MYL1: variants seen among roughly 807,000 people sequenced by gnomAD.
MYL1 encodes myosin light chain 1.
Under a neutral mutation model 21.8 loss-of-function variants are expected in MYL1, and 16 were observed. The observed-to-expected ratio is 0.74, with a 90% confidence interval of 0.50 to 1.12. MYL1 has a LOEUF of 1.12. Ranked by LOEUF, MYL1 falls within the 50% of genes most tolerant of loss-of-function variation. MYL1 has a pLI of 0.00. For missense variants in MYL1, 246 were observed against 241.0 expected, an observed-to-expected ratio of 1.02 and a Z score of -0.14; for synonymous variants, 99 against 85.2, an observed-to-expected ratio of 1.16 and a Z score of -0.89.
chr2:210,298,336 T>C (rs1020760734), intron 3 of MYL1, 84 bp downstream of exon 3: 11 of 1,286,706 alleles, frequency 8.5e-6, no homozygotes, highest in East Asian at 2.7e-5. Flanking sequence ...CACACACACA[T>C]ACTACACACA....
chr2:210,314,364 G>A (rs995165543), intron 1 of MYL1, among the ~76,000 whole-genome samples: 2 of 152,128 alleles, frequency 1.3e-5, no homozygotes, highest in African/African-American at 4.8e-5. Flanking sequence ...CTCATTTAGT[G>A]TTGTATCAAA....
chr2:210,307,598 A>G (rs1690356318), intron 1 of MYL1, among the ~76,000 whole-genome samples: 1 of 151,996 alleles, frequency 6.6e-6, no homozygotes, highest in African/African-American at 2.4e-5. Context: ...AGGCTCTTTT[A>G]TATTCTAGCC....
At chr2:210,312,251 A>T (rs1690428015) in intron 1 of MYL1, among the ~76,000 whole-genome samples, 1 of 151,996 alleles carries the variant, frequency 6.6e-6, no homozygotes, top group African/African-American at 2.4e-5. Flanking sequence ...AGCATTACTC[A>T]AAGTCTAGAG....
At chr2:210,314,825 T>A in intron 1 of MYL1, 86 bp downstream of exon 1, 5 of 1,444,316 alleles carry the variant, frequency 3.5e-6, no homozygotes, top group African/African-American at 2.8e-5. Flanking sequence ...TTCCTCTCAA[T>A]GAAAAATACA....
chr2:210,297,754 A>AT (rs1048976301), intron 3 of MYL1, among the ~76,000 whole-genome samples: 4 of 151,392 alleles, frequency 2.6e-5, no homozygotes, highest in South Asian at 2.1e-4. Flanking sequence ...TTTATCACTG[A>AT]TTTTTTTCCT....
In MYL1 at chr2:210,306,891, ATG is replaced by A. The variant is rs565487219; in HGVS notation, c.133-4378_133-4377del. Among the ~76,000 whole-genome samples the A allele has an allele frequency of 4.3e-3, 656 of 152,146 alleles. 7 individuals carry two copies. The highest frequency in any genetic ancestry group is 0.015 in the African/African-American group (622 of 41,476). On this transcript the variant is annotated intron_variant, in intron 1 of 6. Transcript: ENST00000352451. ...CTCTCTCTTCCTTGGGGTTATCATG[ATG>A]GGGTAATCAGTCCTTTGAACAAAGG...
chr2:210,312,728 A>AT (rs200409667), intron 1 of MYL1, among the ~76,000 whole-genome samples: 4 of 151,124 alleles, frequency 2.6e-5, no homozygotes, highest in East Asian at 1.9e-4. Context: ...GATAAAGGTT[A>AT]TTTTTTTTCC....
chr2:210,301,255 C>G (rs1489138999), intron 2 of MYL1, among the ~76,000 whole-genome samples: 1 of 152,050 alleles, frequency 6.6e-6, no homozygotes, highest in Non-Finnish European at 1.5e-5. Context: ...GAAAAAAGTC[C>G]TTCATAGTAT....
At chr2:210,296,999 GT>G (rs1251010760) in intron 3 of MYL1, among the ~76,000 whole-genome samples, 1 of 139,436 alleles carries the variant, frequency 7.2e-6, no homozygotes, top group Non-Finnish European at 1.5e-5. Flanking sequence ...CATTGTGTGT[GT>G]GTGTGTGTGT....
intron 2 of MYL1, among the ~76,000 whole-genome samples, chr2:210,300,193 T>C (rs1035725836): frequency 2.6e-5 from 4 of 152,164 alleles, no homozygotes; most frequent in African/African-American, 9.6e-5. Flanking sequence ...ACTATTACCC[T>C]GGTCAGATGC....
chr2:210,303,612 G>A (rs1690297452), intron 1 of MYL1: 2 of 1,593,766 alleles, frequency 1.3e-6, no homozygotes, highest in Non-Finnish European at 1.7e-6. Context: ...TCCGGTCCCT[G>A]AGTGGGGTCA....
rs375080949 is a variant in MYL1, at chr2:210,315,057, G to C, written c.-15C>G. ...TTTGGTGCCATTTTTTTTTTTAAAAGGGTGGGTTAAAAAGAGAAGGAGTTC... is the reference window on the plus strand; with the variant it reads ...TTTGGTGCCATTTTTTTTTTTAAAACGGTGGGTTAAAAAGAGAAGGAGTTC... On this transcript the variant is annotated 5_prime_UTR_variant, in exon 1 of 7. Coordinates refer to ENST00000352451, the MANE Select transcript of MYL1 (RefSeq NM_079420.3). 1.4e-5 allele frequency: 23 copies of C among 1,592,626 alleles called. No individual in the cohort carries two copies. Among genetic ancestry groups the C allele is most frequent in the Non-Finnish European group, 1.9e-5 (22 of 1,175,198 alleles).
chr2:210,304,071 C>T (rs1348728217), intron 1 of MYL1, among the ~76,000 whole-genome samples: 2 of 152,164 alleles, frequency 1.3e-5, no homozygotes, highest in Admixed American at 1.3e-4. Flanking sequence ...CTGAAGTGTA[C>T]TGTCCTTTAT....
rs1202422746 is a variant in MYL1, at chr2:210,294,244, C to T, written c.478+1G>A. ...AAGTCCACTGAAATAAATTCCCTTA[C>T]CCAGGGTGGCTAGAACATGGCGGAG... On this transcript the variant is annotated splice_donor_variant, in intron 4 of 6. Transcript: ENST00000352451. LOFTEE classifies it high-confidence loss of function. The T allele has an allele frequency of 3.1e-6, 5 of 1,608,584 alleles. No individual in the cohort carries two copies. The highest frequency in any genetic ancestry group is 4.2e-6 in the Non-Finnish European group (5 of 1,177,720).
At chr2:210,293,472 G>A (rs890888155) in intron 5 of MYL1, among the ~76,000 whole-genome samples, 1 of 152,164 alleles carries the variant, frequency 6.6e-6, no homozygotes, top group Non-Finnish European at 1.5e-5. Context: ...TCATAGGGAT[G>A]TTCTGAAGAT....
At position 210,302,627 on chromosome 2, in the gene MYL1, C is replaced by G. The variant is rs979362012; in HGVS notation, c.133-112G>C. Reference sequence around the variant, plus strand: ...AATCTTCAAAGTAAGCTCCAAAAGTCAGCCTACTTTTCAGAGTTCAGGCGT... The same window carrying G: ...AATCTTCAAAGTAAGCTCCAAAAGTGAGCCTACTTTTCAGAGTTCAGGCGT... On this transcript the variant is annotated intron_variant, in intron 1 of 6. Coordinates refer to ENST00000352451, the MANE Select transcript of MYL1 (RefSeq NM_079420.3). The G allele has an allele frequency of 2.0e-6, 3 of 1,485,100 alleles. No homozygotes were observed. The African/African-American group carries it at 4.2e-5, about 21-fold the overall frequency. 92.0% of individuals were successfully genotyped at this position (1,485,100 alleles called of 1,614,324 possible).
rs1040802746 is a variant in MYL1 at position 210,293,760 on chromosome 2, T to C, written c.519A>G (p.Ala173=). The C allele has an allele frequency of 1.9e-6, 3 of 1,614,090 alleles. No homozygotes were observed. The highest frequency in any genetic ancestry group is 3.3e-5 in the Admixed American group (2 of 60,016). ...TGCAGCCATTGGAGTCTTCTTGACC[T>C]GCCATCAGGGCTTCCACTTCTTCCT... ...MKEEEVEALM[A]GQEDSNGCIN... Residue 173 remains alanine, a synonymous_variant, in exon 5 of 7, where the codon GCA becomes GCG. Coordinates refer to ENST00000352451, the MANE Select transcript of MYL1 (RefSeq NM_079420.3).
At chr2:210,304,142 CAA>C (rs1465304911) in intron 1 of MYL1, among the ~76,000 whole-genome samples, 4 of 152,282 alleles carry the variant, frequency 2.6e-5, no homozygotes, top group South Asian at 2.1e-4. Flanking sequence ...AGAGCGCACC[CAA>C]GTGACAATCT....
chr2:210,314,962 GGCAGGT>G lies in MYL1; in HGVS notation c.75_80del (p.Pro30_Ala31del). The G allele has an allele frequency of 2.5e-6, 4 of 1,613,348 alleles. No individual in the cohort carries two copies. The highest frequency in any genetic ancestry group is 3.4e-6 in the Non-Finnish European group (4 of 1,179,556). On this transcript the variant is annotated inframe_deletion, in exon 1 of 7. Coordinates refer to ENST00000352451, the MANE Select transcript of MYL1 (RefSeq NM_079420.3). ...CTTCTTTGGGTTTGGCTGGGGCAGGGGCAGGTGCAGGTGCCGGTGCCGGGGCTGGGG... is the reference window on the plus strand; with the variant it reads ...CTTCTTTGGGTTTGGCTGGGGCAGGGGCAGGTGCCGGTGCCGGGGCTGGGG...
Sources: gnomAD v4.1 joint callset for allele counts (sites outside exome capture counted in the v4.1 genomes callset) on GRCh38, gnomAD v4.1.1 for gene constraint, MANE v1.5 for transcripts, NCBI Gene and HGNC (gene_info 2026-07-23, HGNC 2026-07-21) for gene names.